Variants in CDH13 observed in about 807,000 individuals in gnomAD.
CDH13 encodes the protein cadherin 13.
Under a neutral mutation model 63.8 loss-of-function variants are expected in CDH13, and 24 were observed. The observed-to-expected ratio is 0.38, with a 90% CI of 0.27 to 0.53. CDH13 has a LOEUF of 0.53. CDH13 is among the 20% of genes least tolerant of loss of function. The probability of loss-of-function intolerance (pLI) is 0.85; values close to 1 mark genes in which losing one functional copy is unlikely to be tolerated. For missense variants in CDH13, 1,049 were observed against 903.1 expected, an observed-to-expected ratio of 1.16 and a Z score of -2.07; for synonymous variants, 503 against 355.3, an observed-to-expected ratio of 1.42 and a Z score of -4.67.
intron 6 of CDH13, among the ~76,000 whole-genome samples, chr16:83,358,161 C>A (rs1030121600): frequency 6.6e-6 from 1 of 152,152 alleles, no homozygotes; most frequent in African/African-American, 2.4e-5. Context: ...GACTGTATTG[C>A]TCAGCCTCCC....
chr16:83,659,894 C>T (rs539743980), intron 8 of CDH13, among the ~76,000 whole-genome samples: 7 of 149,606 alleles, frequency 4.7e-5, no homozygotes, highest in African/African-American at 1.5e-4. Context: ...TCAAGCAATT[C>T]TCCTGTCTCA....
At chr16:83,033,484 G>A (rs909163996) in intron 3 of CDH13, among the ~76,000 whole-genome samples, 1 of 152,026 alleles carries the variant, frequency 6.6e-6, no homozygotes, top group African/African-American at 2.4e-5. Flanking sequence ...CGTATGTACA[G>A]GCATACACAT....
At chr16:83,130,121 T>C (rs1249741447) in intron 4 of CDH13, among the ~76,000 whole-genome samples, 2 of 152,246 alleles carry the variant, frequency 1.3e-5, no homozygotes, top group Non-Finnish European at 2.9e-5. Context: ...GACAGAATCA[T>C]TGATCTTGCG....
At chr16:83,682,814 C>T (rs1326148290) in intron 10 of CDH13, among the ~76,000 whole-genome samples, 1 of 152,198 alleles carries the variant, frequency 6.6e-6, no homozygotes, top group Admixed American at 6.5e-5. Context: ...ACTAAAAGCC[C>T]CCATGAGAGA....
intron 2 of CDH13, among the ~76,000 whole-genome samples, chr16:83,010,813 A>G (rs901677777): frequency 1.3e-5 from 2 of 152,154 alleles, no homozygotes; most frequent in African/African-American, 2.4e-5. Flanking sequence ...ATTTAATGTC[A>G]TTTACTAGTA....
chr16:83,288,041 G>A (rs1279616953), intron 5 of CDH13, among the ~76,000 whole-genome samples: 1 of 152,200 alleles, frequency 6.6e-6, no homozygotes, highest in African/African-American at 2.4e-5. Context: ...GCTTATGTTG[G>A]CACTGTGATG....
At chr16:82,983,591 A>G (rs557016098) in intron 2 of CDH13, among the ~76,000 whole-genome samples, 2 of 152,326 alleles carry the variant, frequency 1.3e-5, no homozygotes, top group South Asian at 2.1e-4. Flanking sequence ...GAGATGTTTT[A>G]GAAACAACAG....
chr16:82,972,356 A>T (rs966973680), intron 2 of CDH13, among the ~76,000 whole-genome samples: 1 of 152,160 alleles, frequency 6.6e-6, no homozygotes, highest in Non-Finnish European at 1.5e-5. Context: ...GACAAGAGAA[A>T]ACATTTCCTT....
intron 5 of CDH13, among the ~76,000 whole-genome samples, chr16:83,245,809 C>G (rs557558822): frequency 8.3e-4 from 127 of 152,210 alleles, no homozygotes; most frequent in African/African-American, 2.6e-3. Context: ...ATGGTGTGAT[C>G]ATGGCTCACT....
chr16:82,889,349 C>G (rs577737467), intron 2 of CDH13, among the ~76,000 whole-genome samples: 2 of 151,910 alleles, frequency 1.3e-5, no homozygotes, highest in Non-Finnish European at 2.9e-5. Flanking sequence ...TACCAACCAA[C>G]CAACCTATCT....
intron 1 of CDH13, chr16:82,773,574 A>G (rs2035357538): frequency 6.6e-6 from 1 of 152,250 alleles, no homozygotes; most frequent in Admixed American, 6.5e-5. Context: ...ATCCTGTAAC[A>G]GTACATTCTA....
At chr16:83,073,354 TGA>T (rs58505161) in intron 3 of CDH13, among the ~76,000 whole-genome samples, 3,637 of 139,448 alleles carry the variant, frequency 0.026, 121 homozygotes, top group African/African-American at 0.084. Context: ...TGTGTGTGTG[TGA>T]GAGAGAGAGA....
intron 4 of CDH13, among the ~76,000 whole-genome samples, chr16:83,145,165 G>A (rs1432106812): frequency 2.0e-5 from 3 of 152,096 alleles, no homozygotes; most frequent in South Asian, 2.1e-4. Context: ...CATCCAATTC[G>A]GCTTTAATTA....
intron 13 of CDH13, among the ~76,000 whole-genome samples, chr16:83,792,943 G>A (rs1199028913): frequency 6.6e-6 from 1 of 152,170 alleles, no homozygotes; most frequent in Non-Finnish European, 1.5e-5. Context: ...TGGTAAAAAT[G>A]AAAAGAGTGC....
intron 1 of CDH13, among the ~76,000 whole-genome samples, chr16:82,809,833 C>T (rs1415560788): frequency 2.6e-5 from 4 of 152,158 alleles, no homozygotes; most frequent in African/African-American, 7.2e-5. Flanking sequence ...ATAATTCTTT[C>T]TGGACAGCAG....
chr16:83,200,522 A>C (rs1266868428), intron 4 of CDH13, among the ~76,000 whole-genome samples: 1 of 152,190 alleles, frequency 6.6e-6, no homozygotes, highest in Non-Finnish European at 1.5e-5. Flanking sequence ...GTCTACACGT[A>C]GCCTCTATCC....
intron 8 of CDH13, among the ~76,000 whole-genome samples, chr16:83,659,910 C>T (rs977977488): frequency 6.6e-6 from 1 of 151,868 alleles, no homozygotes; most frequent in East Asian, 1.9e-4. Context: ...TCTCAGCCTC[C>T]CAAGTAGCGG....
intron 5 of CDH13, among the ~76,000 whole-genome samples, chr16:83,231,029 C>T (rs2039987076): frequency 6.6e-6 from 1 of 152,242 alleles, no homozygotes; most frequent in Non-Finnish European, 1.5e-5. Context: ...CGGGCTCTGA[C>T]CTTCGCCCAG....
chr16:82,641,656 G>A (rs1373907992), intron 1 of CDH13, among the ~76,000 whole-genome samples: 1 of 152,208 alleles, frequency 6.6e-6, no homozygotes, highest in Non-Finnish European at 1.5e-5. Flanking sequence ...ATGTTTTAGG[G>A]ACAGGAGATG....
Sources: gnomAD v4.1 joint callset for allele counts (sites outside exome capture counted in the v4.1 genomes callset) on GRCh38, gnomAD v4.1.1 for gene constraint, MANE v1.5 for transcripts, NCBI Gene and HGNC (gene_info 2026-07-23, HGNC 2026-07-21) for gene names.